Variants in NDRG3 observed in about 807,000 individuals in gnomAD.
The protein encoded by NDRG3 is protein NDRG3.
Under a neutral mutation model 57.2 loss-of-function variants are expected in NDRG3, and 23 were observed. That is an observed-to-expected ratio of 0.40 (90% CI 0.29 to 0.57). NDRG3 has a LOEUF of 0.57. Ranked by LOEUF, NDRG3 falls within the 20% of genes least tolerant of loss-of-function variation. The pLI is 0.42. For missense variants in NDRG3, 384 were observed against 457.3 expected (o/e 0.84, Z 1.46); for synonymous variants, 132 against 162.6 (o/e 0.81, Z 1.43).
At chr20:36,710,730 CG>C (rs1389155727) in intron 2 of NDRG3, among the ~76,000 whole-genome samples, 1 of 150,750 alleles carries the variant, frequency 6.6e-6, no homozygotes, top group African/African-American at 2.4e-5. Flanking sequence ...CTGCTTGAAC[CG>C]GGACCCGGGT....
chr20:36,714,437 TTTC>T (rs1448973688), intron 2 of NDRG3, among the ~76,000 whole-genome samples: 2 of 150,070 alleles, frequency 1.3e-5, no homozygotes, highest in South Asian at 2.1e-4. Flanking sequence ...AGCAAATCAT[TTTC>T]TTCTTTTTTT....
At chr20:36,714,902 C>G (rs1489038946) in intron 2 of NDRG3, among the ~76,000 whole-genome samples, 1 of 149,950 alleles carries the variant, frequency 6.7e-6, no homozygotes, top group East Asian at 2.0e-4. Context: ...CATGAGCCAC[C>G]GCGCCAGGCC....
At chr20:36,676,562 A>C (rs1600878880) in intron 8 of NDRG3, among the ~76,000 whole-genome samples, 1 of 152,182 alleles carries the variant, frequency 6.6e-6, no homozygotes, top group Non-Finnish European at 1.5e-5. Flanking sequence ...TCCTGGGTTC[A>C]AGCAATTCTC....
intron 3 of NDRG3, among the ~76,000 whole-genome samples, chr20:36,690,296 G>A (rs1004487602): frequency 3.9e-5 from 6 of 152,232 alleles, no homozygotes; most frequent in Non-Finnish European, 7.3e-5. Context: ...AAGATGCACC[G>A]AGCAAAGCTC....
In NDRG3 at chr20:36,653,419, G is replaced by A. The variant is rs1407900583; in HGVS notation, c.*101C>T. Reference sequence around the variant, plus strand: ...AGAGAGAGGTTCAGTGGCCATGCATGAGTTAAAGATAGTAGAGGCCAGTTT... The same window carrying A: ...AGAGAGAGGTTCAGTGGCCATGCATAAGTTAAAGATAGTAGAGGCCAGTTT... On this transcript the variant is annotated 3_prime_UTR_variant, in exon 16 of 16. Transcript: ENST00000349004. The surrounding 1 kb of genome is among the most constrained non-coding windows in gnomAD (Gnocchi z 4.2). 9 of 1,014,618 alleles carry A rather than the reference G, an allele frequency of 8.9e-6. No homozygotes were observed. In the East Asian group the frequency reaches 1.3e-4, roughly 15 times the overall value. 62.9% of individuals were successfully genotyped at this position (1,014,618 alleles called of 1,614,324 possible).
chr20:36,676,894 A>T (rs941756903), intron 8 of NDRG3, among the ~76,000 whole-genome samples: 3 of 152,250 alleles, frequency 2.0e-5, no homozygotes, highest in Admixed American at 6.5e-5. Flanking sequence ...GGTTGGGACC[A>T]GAGCCGCAGA....
chr20:36,692,669 TG>T (rs988777767), intron 3 of NDRG3, among the ~76,000 whole-genome samples: 2 of 152,144 alleles, frequency 1.3e-5, no homozygotes, highest in South Asian at 4.1e-4. Context: ...AATCTAAGGC[TG>T]GGGCCTTAGA....
In NDRG3 at chr20:36,688,726, T is replaced by G; in HGVS notation, c.152A>C (p.Lys51Thr). ...VVHVTIRGLP[K>T]GNRPVILTYH... ...TGTTAGTATAACTGGTCTGTTTCCT[T>G]TGGGTAAGCCTCTTATAGTGACGTG... Residue 51 changes from lysine to threonine, a missense_variant, in exon 4 of 16, where the codon AAA (lysine) becomes ACA (threonine). Physicochemically the swap from Lys to Thr is moderately conservative, Grantham distance 78 (BLOSUM62 -1). Transcript: ENST00000349004. 6.2e-7 allele frequency: 1 copy of G among 1,614,062 alleles called. No individual in the cohort carries two copies. The highest frequency in any genetic ancestry group is 2.2e-5 in the East Asian group (1 of 44,884).
At chr20:36,712,498 C>T (rs1299665192) in intron 2 of NDRG3, among the ~76,000 whole-genome samples, 12 of 131,368 alleles carry the variant, frequency 9.1e-5, no homozygotes, top group African/African-American at 2.0e-4. Context: ...CAGGCTCAAA[C>T]GATCCTCCTG....
intron 9 of NDRG3, among the ~76,000 whole-genome samples, chr20:36,667,296 T>A (rs1447047675): frequency 6.6e-6 from 1 of 152,118 alleles, no homozygotes; most frequent in Non-Finnish European, 1.5e-5. Flanking sequence ...AGATGGGGAC[T>A]CACTACGCTG....
intron 2 of NDRG3, among the ~76,000 whole-genome samples, chr20:36,714,466 A>G (rs1984107130): frequency 7.2e-6 from 1 of 138,766 alleles, no homozygotes; most frequent in African/African-American, 2.6e-5. Flanking sequence ...TTTTAGACAG[A>G]GTTTCGCTCT....
At chr20:36,714,998 G>A (rs1434150285) in intron 2 of NDRG3, among the ~76,000 whole-genome samples, 1 of 56,876 alleles carries the variant, frequency 1.8e-5, no homozygotes, top group African/African-American at 8.1e-5. Flanking sequence ...GTGTGTGTGT[G>A]TGTGTGTGTA....
At chr20:36,678,112 C>T (rs928099194) in intron 8 of NDRG3, among the ~76,000 whole-genome samples, 5 of 152,084 alleles carry the variant, frequency 3.3e-5, no homozygotes, top group African/African-American at 1.2e-4. Context: ...TTAGCAAACA[C>T]CAGCAATCCA....
chr20:36,699,699 T>C (rs1214490491), intron 3 of NDRG3, among the ~76,000 whole-genome samples: 1 of 151,718 alleles, frequency 6.6e-6, no homozygotes, highest in Admixed American at 6.6e-5. Context: ...GTAGGGTGTG[T>C]GTGTGTGTGT....
At chr20:36,665,375 A>G in intron 10 of NDRG3, 74 bp from the exon 11 acceptor site, 1 of 1,304,544 alleles carries the variant, frequency 7.7e-7, no homozygotes, top group Non-Finnish European at 1.1e-6. Flanking sequence ...CTGGTCATAA[A>G]CACCAAAATT....
Position 36,653,211 on chromosome 20 carries a change from C to CTCG in NDRG3, c.*308_*309insCGA. On this transcript the variant is annotated 3_prime_UTR_variant, in exon 16 of 16. Coordinates refer to ENST00000349004, the MANE Select transcript of NDRG3 (RefSeq NM_032013.4). The surrounding 1 kb of genome is among the most constrained non-coding windows in gnomAD (Gnocchi z 4.2). Reference sequence around the variant, plus strand: ...ACACGCGTGCTCGCACACACAGAGTCGGGATCAAAGAATCTTATCTGATAC... The same window carrying CTCG: ...ACACGCGTGCTCGCACACACAGAGTCTCGGGGATCAAAGAATCTTATCTGATAC... 3.8e-6 allele frequency: 1 copy of CTCG among 263,298 alleles called. No individual in the cohort carries two copies. Among genetic ancestry groups the CTCG allele is most frequent in the Non-Finnish European group, 7.2e-6 (1 of 138,170 alleles). The allele number at this position is 263,298 out of a possible 1,614,324, so 16.3% of individuals were successfully genotyped here.
intron 5 of NDRG3, among the ~76,000 whole-genome samples, chr20:36,685,771 G>A (rs1981732618): frequency 6.6e-6 from 1 of 152,182 alleles, no homozygotes; most frequent in Admixed American, 6.5e-5. Flanking sequence ...CACTTTCAGA[G>A]GCTGAGGCAA....
At chr20:36,720,056 G>A (rs1354607226) in intron 2 of NDRG3, among the ~76,000 whole-genome samples, 8 of 149,932 alleles carry the variant, frequency 5.3e-5, no homozygotes, top group Non-Finnish European at 8.9e-5. Flanking sequence ...GCAGTGAGCC[G>A]AGATTGTACC....
At chr20:36,676,810 A>C (rs1980761060) in intron 8 of NDRG3, among the ~76,000 whole-genome samples, 2 of 152,260 alleles carry the variant, frequency 1.3e-5, no homozygotes, top group South Asian at 4.1e-4. Context: ...AAGTGATGGC[A>C]GTGGCTGCTG....
Sources: gnomAD v4.1 joint callset for allele counts (sites outside exome capture counted in the v4.1 genomes callset) on GRCh38, gnomAD v4.1.1 for gene constraint, Gnocchi (gnomAD v3.1) non-coding constraint, MANE v1.5 for transcripts, NCBI Gene and HGNC (gene_info 2026-07-23, HGNC 2026-07-21) for gene names.